CIITA: variants seen among roughly 807,000 people sequenced by gnomAD.
The protein encoded by CIITA is class II major histocompatibility complex transactivator, also known as MHC class II transactivator.
A neutral mutation model predicts 115.1 loss-of-function variants in CIITA; 72 were observed. The observed-to-expected ratio is 0.63, with a 90% CI of 0.52 to 0.76. The LOEUF (loss-of-function observed/expected upper bound fraction) is 0.76, where lower values mean the gene tolerates loss of function less well. Among genes scored for constraint, CIITA ranks in the 30% least tolerant of loss-of-function variants. The pLI is 0.00. For synonymous variants in CIITA, 763 were observed against 635.6 expected (o/e 1.20, Z -3.02); for missense variants, 1,617 against 1,463.8 (o/e 1.10, Z -1.71).
chr16:10,871,012 G>A (rs188375727), intron 1 of CIITA, among the ~76,000 whole-genome samples: 1 of 152,342 alleles, frequency 6.6e-6, no homozygotes, highest in Non-Finnish European at 1.5e-5. Flanking sequence ...ACAAATCAAT[G>A]TGGCCCCTGC....
rs11643328 is a variant in CIITA at position 10,927,470 on chromosome 16, G to A, written c.*3615G>A. On this transcript the variant is annotated 3_prime_UTR_variant, in exon 20 of 20. Coordinates refer to ENST00000324288, the MANE Select transcript of CIITA (RefSeq NM_000246.4). Reference sequence around the variant, plus strand: ...CTCACCTAACGGTTTCATTCATTCTGCAAATACATACTGACAGCACAGTCA... The same window carrying A: ...CTCACCTAACGGTTTCATTCATTCTACAAATACATACTGACAGCACAGTCA... 0.96 allele frequency: 146,960 copies of A among 152,316 alleles called. 71,083 individuals carry two copies. Among genetic ancestry groups the A allele is most frequent in the East Asian group, 1 (5,186 of 5,186 alleles). The allele number at this position is 152,316 out of a possible 1,614,324, so 9.4% of individuals were successfully genotyped here.
intron 15 of CIITA, 121 bp from the exon 16 acceptor site, chr16:10,918,319 G>C: frequency 2.2e-6 from 2 of 908,026 alleles, no homozygotes; most frequent in South Asian, 2.6e-5. Context: ...CCTATTTACC[G>C]AGAGGTAGCT....
chr16:10,902,814 C>T lies in CIITA; in HGVS notation c.772+13C>T. On this transcript the variant is annotated intron_variant, in intron 8 of 19. Transcript: ENST00000324288. The stretch of plus-strand genomic sequence containing the variant: ...TTCATCTACCATGGTGAGTGCGGGG[C>T]CTGGCTCCCCGACCACCTCTCCCTC... The T allele has an allele frequency of 6.2e-7, 1 of 1,614,012 alleles. No individual in the cohort carries two copies.
Position 10,929,668 on chromosome 16 carries a change from A to AG in CIITA, c.*5816dup. On this transcript the variant is annotated 3_prime_UTR_variant, in exon 20 of 20. Transcript: ENST00000324288. This position sits in a 1 kb window ranked among gnomAD's most constrained non-coding sequence, Gnocchi z 4.3. ...AGGCTCGGGAGGCTTGGGGTGGGGC[A>AG]GGGAAGTCTTCCTCCATCCCTCAAA... The AG allele has an allele frequency of 1.6e-6, 1 of 612,114 alleles. No individual in the cohort carries two copies. Among genetic ancestry groups the AG allele is most frequent in the Non-Finnish European group, 2.0e-6 (1 of 488,960 alleles). The allele number at this position is 612,114 out of a possible 1,614,324, so 37.9% of individuals were successfully genotyped here. A position where few individuals can be genotyped will look rare whatever the true frequency, so the allele number is the denominator to read the frequency against.
intron 1 of CIITA, among the ~76,000 whole-genome samples, chr16:10,889,676 T>C (rs1398446405): frequency 6.6e-6 from 1 of 152,024 alleles, no homozygotes; most frequent in South Asian, 2.1e-4. Context: ...CACGCCACCA[T>C]GCCTGGCTAA....
chr16:10,916,933 C>T (rs2039984500), intron 15 of CIITA: 3 of 274,772 alleles, frequency 1.1e-5, no homozygotes, highest in Non-Finnish European at 1.4e-5. Context: ...AAATAAATCC[C>T]CTGACCTCAG....
rs1303670541 is a variant in CIITA at position 10,936,177 on chromosome 16, G to A, written c.*12322G>A. On this transcript the variant is annotated 3_prime_UTR_variant, in exon 20 of 20. Coordinates refer to ENST00000324288, the MANE Select transcript of CIITA (RefSeq NM_000246.4). ...CGCTATTTTTTTTTTCCTACTTTTT[G>A]TAGAGACGGGGTCTCACTATGTTGC... 1 of 151,466 alleles carries A rather than the reference G, an allele frequency of 6.6e-6. No homozygotes were observed. Among genetic ancestry groups the A allele is most frequent in the Non-Finnish European group, 1.5e-5 (1 of 67,894 alleles). 9.4% of individuals were successfully genotyped at this position (151,466 alleles called of 1,614,324 possible).
Position 10,925,869 on chromosome 16 carries a change from T to C in CIITA, c.*2014T>C, listed in dbSNP as rs2040511597. 6.6e-6 allele frequency: 1 copy of C among 152,238 alleles called. No homozygotes were observed. Among genetic ancestry groups the C allele is most frequent in the Admixed American group, 6.5e-5 (1 of 15,280 alleles). 9.4% of individuals were successfully genotyped at this position (152,238 alleles called of 1,614,324 possible). ...CCAAAAGCTTACCAAGGGGAATGTT[T>C]GCCTCTGCCTCTGACACACAGCTCT... On this transcript the variant is annotated 3_prime_UTR_variant, in exon 20 of 20. Coordinates refer to ENST00000324288, the MANE Select transcript of CIITA (RefSeq NM_000246.4).
intron 10 of CIITA, among the ~76,000 whole-genome samples, chr16:10,905,023 T>C (rs1246259554): frequency 1.3e-5 from 2 of 152,200 alleles, no homozygotes; most frequent in Non-Finnish European, 1.5e-5. Context: ...TTTATTGCCC[T>C]TCAATAAGCC....
At chr16:10,919,820 G>T (rs1464911407) in intron 16 of CIITA, among the ~76,000 whole-genome samples, 1 of 152,168 alleles carries the variant, frequency 6.6e-6, no homozygotes, top group Admixed American at 6.5e-5. Flanking sequence ...CTAGACAGAT[G>T]TCGTTCTTGC....
chr16:10,902,344 C>G (rs569598615), intron 7 of CIITA, among the ~76,000 whole-genome samples, 160 bp downstream of exon 7: 1 of 152,290 alleles, frequency 6.6e-6, no homozygotes, highest in South Asian at 2.1e-4. Flanking sequence ...TTGGGGCCCC[C>G]GTCAGCTCAA....
intron 1 of CIITA, among the ~76,000 whole-genome samples, chr16:10,867,267 G>T (rs537756846): frequency 4.9e-4 from 74 of 150,800 alleles, no homozygotes; most frequent in African/African-American, 1.6e-3. Context: ...GAGAAATGGG[G>T]TGCAGAGAAA....
intron 1 of CIITA, among the ~76,000 whole-genome samples, chr16:10,869,992 G>C (rs903211025): frequency 6.6e-6 from 1 of 151,890 alleles, no homozygotes; most frequent in African/African-American, 2.4e-5. Context: ...ATGTTCAGTG[G>C]ATGGATGCGT....
intron 1 of CIITA, among the ~76,000 whole-genome samples, chr16:10,881,298 GA>G (rs140684571): frequency 0.044 from 6,400 of 147,078 alleles, 475 homozygotes; most frequent in African/African-American, 0.15. Flanking sequence ...ACTGTCTCAG[GA>G]AAAAAAAAAG....
Position 10,871,989 on chromosome 16 carries a change from A to C in CIITA, c.-21+5670A>C, listed in dbSNP as rs112474235. ...CTGTTGCTATGACCTTGAGCAGTTCACCTGCGTTCCTTACTGTCTACTTTC... is the reference window on the plus strand; with the variant it reads ...CTGTTGCTATGACCTTGAGCAGTTCCCCTGCGTTCCTTACTGTCTACTTTC... On this transcript the variant is annotated intron_variant, in intron 1 of 5. Coordinates refer to the CIITA transcript ENST00000636238. Among the ~76,000 whole-genome samples, 1,436 of 152,132 alleles carry C rather than the reference A, an allele frequency of 9.4e-3. 33 individuals are homozygous for C. Among genetic ancestry groups the C allele is most frequent in the African/African-American group, 0.032 (1,329 of 41,464 alleles).
chr16:10,901,704 T>C lies in CIITA; in HGVS notation c.481+146T>C, dbSNP rs2038773916. The C allele has an allele frequency of 8.3e-6, 7 of 846,868 alleles. No individual in the cohort carries two copies. In the South Asian group the frequency reaches 8.9e-5, roughly 11 times the overall value. 52.5% of individuals were successfully genotyped at this position (846,868 alleles called of 1,614,324 possible). A position where few individuals can be genotyped will look rare whatever the true frequency, so the allele number is the denominator to read the frequency against. On this transcript the variant is annotated intron_variant, in intron 6 of 19. Coordinates refer to ENST00000324288, the MANE Select transcript of CIITA (RefSeq NM_000246.4). The surrounding 1 kb of genome is among the most constrained non-coding windows in gnomAD (Gnocchi z 6.8). ...TTGGGTAGAGGCTGAGAGCTTGGGG[T>C]CCCTTAGAGTCCTCTAAGGGGCTCA...
intron 1 of CIITA, among the ~76,000 whole-genome samples, chr16:10,870,811 G>C (rs2035431873): frequency 6.6e-6 from 1 of 152,214 alleles, no homozygotes; most frequent in African/African-American, 2.4e-5. Flanking sequence ...CTTGGCATTA[G>C]GTCGCACTGT....
At chr16:10,867,688 C>G (rs2035183825) in intron 1 of CIITA, among the ~76,000 whole-genome samples, 1 of 152,182 alleles carries the variant, frequency 6.6e-6, no homozygotes, top group Non-Finnish European at 1.5e-5. Context: ...CACTCACATC[C>G]TTGGCTCCTC....
upstream of CIITA, among the ~76,000 whole-genome samples, chr16:10,876,022 T>A (rs930678910): frequency 2.9e-4 from 43 of 150,362 alleles, no homozygotes; most frequent in African/African-American, 1.0e-3. Flanking sequence ...TAGTGGCAGG[T>A]GCCTGTAATC....
Sources: allele counts gnomAD v4.1 joint callset (sites outside exome capture counted in the v4.1 genomes callset), GRCh38; gene constraint gnomAD v4.1.1; non-coding constraint Gnocchi (gnomAD v3.1); transcripts MANE v1.5; gene names NCBI Gene and HGNC (gene_info 2026-07-23, HGNC 2026-07-21).